The following TRPV3 variants were observed in gnomAD, a reference collection of about 807,000 sequenced individuals.
TRPV3 encodes transient receptor potential cation channel subfamily V member 3.
In TRPV3, 88 loss-of-function variants were observed where a neutral mutation model predicts 87.1. That is an observed-to-expected ratio of 1.01 (90% CI 0.85 to 1.21). The LOEUF (loss-of-function observed/expected upper bound fraction) is 1.21, where lower values mean the gene tolerates loss of function less well. Among genes scored for constraint, TRPV3 ranks in the 50% most tolerant of loss-of-function variants. The pLI is 0.00. For synonymous variants in TRPV3, 438 were observed against 423.3 expected (o/e 1.03, Z -0.43); for missense variants, 1,054 against 1,030.1 (o/e 1.02, Z -0.32).
At chr17:3,521,077 A>T (rs2074240973) in intron 13 of TRPV3, 38 bp from the exon 14 acceptor site, 1 of 1,427,998 alleles carries the variant, frequency 7.0e-7, no homozygotes, top group Non-Finnish European at 9.8e-7. Flanking sequence ...GTAAGGTGCA[A>T]GCACATATTC....
chr17:3,542,656 G>C lies in TRPV3; in HGVS notation c.509C>G (p.Thr170Ser), dbSNP rs202045599. The change falls in exon 6 of 18, where the codon ACC becomes AGC. Residue 170 changes from threonine to serine, a missense_variant. Physicochemically the swap from Thr to Ser is moderately conservative, Grantham distance 58. Coordinates refer to ENST00000576742, the MANE Select transcript of TRPV3 (RefSeq NM_145068.4). ...HKLTASDTGK[T>S]CLMKALLNIN... ...GTTTAACAAGGCCTTCATCAGGCAG[G>C]TCTTCCCCGTGTCGGAGGCCGTCAG... 4 of 1,614,000 alleles carry C rather than the reference G, an allele frequency of 2.5e-6. No homozygotes were observed. The highest frequency in any genetic ancestry group is 3.4e-6 in the Non-Finnish European group (4 of 1,180,014).
rs1285304060 is a variant in TRPV3, at chr17:3,543,508, C to T, written c.432G>A (p.Glu144=). The T allele has an allele frequency of 1.2e-6, 2 of 1,613,766 alleles. No individual in the cohort carries two copies. The highest frequency in any genetic ancestry group is 1.7e-6 in the Non-Finnish European group (2 of 1,180,040). The change falls in exon 5 of 18, where the codon GAG becomes GAA. Residue 144 remains glutamate, a synonymous_variant. Transcript: ENST00000576742. The part of the protein sequence containing the change: ...ELVELLVELQ[E]LCRRRHDEDV... Reference sequence around the variant, plus strand: ...CCTCATCATGGCGCCGCCTGCAAAGCTCCTGCAGCTCCACCAGCAACTCTA... The same window carrying T: ...CCTCATCATGGCGCCGCCTGCAAAGTTCCTGCAGCTCCACCAGCAACTCTA...
At chr17:3,554,627 A>T in intron 2 of TRPV3, 105 bp downstream of exon 2, 1 of 787,204 alleles carries the variant, frequency 1.3e-6, no homozygotes, top group Non-Finnish European at 2.1e-6. Flanking sequence ...GGCGAGACTG[A>T]GAGTCTCAGG....
chr17:3,539,647 T>C (rs571414330), intron 6 of TRPV3: 3 of 149,476 alleles, frequency 2.0e-5, no homozygotes, highest in African/African-American at 7.4e-5. Flanking sequence ...AGTGAGAACC[T>C]GTCTCAAAAA....
intron 6 of TRPV3, among the ~76,000 whole-genome samples, chr17:3,541,229 A>G (rs2654682): frequency 0.45 from 68,796 of 151,734 alleles, 17,593 homozygotes; most frequent in East Asian, 0.6. Flanking sequence ...TTAGCCAGGC[A>G]TGGTGGCAGG....
chr17:3,515,946 G>A (rs1045212236), intron 16 of TRPV3, among the ~76,000 whole-genome samples: 9 of 152,146 alleles, frequency 5.9e-5, no homozygotes, highest in African/African-American at 2.2e-4. Context: ...CAGCACTTTG[G>A]GAGGCCAAGG....
At chr17:3,524,112 C>A in intron 13 of TRPV3, 86 bp downstream of exon 13, 1 of 1,538,882 alleles carries the variant, frequency 6.5e-7, no homozygotes. Flanking sequence ...CTTGGTAAAC[C>A]CCTCTTCCTC....
intron 2 of TRPV3, chr17:3,554,515 T>C: frequency 2.1e-6 from 1 of 476,890 alleles, no homozygotes; most frequent in Non-Finnish European, 3.7e-6. Flanking sequence ...CTTCCCTAAT[T>C]GTGCCAGTCA....
chr17:3,535,741 G>A (rs1346543169), intron 6 of TRPV3, 28 bp from the exon 7 acceptor site: 16 of 1,444,646 alleles, frequency 1.1e-5, no homozygotes, highest in Non-Finnish European at 1.5e-5. Context: ...ACGCGCGGGA[G>A]CCTCAGCGCC....
intron 14 of TRPV3, among the ~76,000 whole-genome samples, chr17:3,519,702 A>C (rs1206515158): frequency 9.0e-6 from 1 of 111,392 alleles, no homozygotes; most frequent in Non-Finnish European, 1.9e-5. Flanking sequence ...GGATGGATGG[A>C]TAGATGGATG....
chr17:3,554,880 C>T, intron 1 of TRPV3, 28 bp from the exon 2 acceptor site: 4 of 1,532,808 alleles, frequency 2.6e-6, no homozygotes, highest in Non-Finnish European at 3.6e-6. Context: ...GGCAGATGCT[C>T]AGGCCGGGGG....
In TRPV3 at chr17:3,524,310, T is replaced by C. The variant is rs761452550; in HGVS notation, c.1631A>G (p.Tyr544Cys). The part of the protein sequence containing the change: ...ILSVFLYLFA[Y>C]KEYLACLVLA... ...CACGAGGCAGGCGAGGTACTCTTTG[T>C]AGGCAAACAAGTACAAGAAGACAGA... Residue 544 changes from tyrosine to cysteine, a missense_variant, in exon 13 of 18, where the codon TAC (tyrosine) becomes TGC (cysteine). By Grantham distance (194) the Tyr-to-Cys change is radical. Coordinates refer to ENST00000576742, the MANE Select transcript of TRPV3 (RefSeq NM_145068.4). The C allele has an allele frequency of 3.1e-6, 5 of 1,614,098 alleles. No individual in the cohort carries two copies. In the African/African-American group the frequency reaches 4.0e-5, roughly 13 times the overall value.
intron 1 of TRPV3, 119 bp from the exon 2 acceptor site, chr17:3,554,971 C>T (rs2074613740): frequency 1.6e-6 from 1 of 619,402 alleles, no homozygotes; most frequent in Non-Finnish European, 2.8e-6. Flanking sequence ...ACTGGAAGCT[C>T]ACTCCTCCCT....
chr17:3,547,631 G>A (rs1306364803), intron 2 of TRPV3, among the ~76,000 whole-genome samples: 1 of 152,040 alleles, frequency 6.6e-6, no homozygotes, highest in Non-Finnish European at 1.5e-5. Flanking sequence ...AAAAAAAATG[G>A]CTGATCTAGA....
Position 3,528,732 on chromosome 17 carries a change from T to C in TRPV3, c.1401+105A>G, listed in dbSNP as rs1485864905. The C allele has an allele frequency of 7.3e-7, 1 of 1,374,424 alleles. No individual in the cohort carries two copies. The highest frequency in any genetic ancestry group is 1.4e-5 in the African/African-American group (1 of 69,048). 85.1% of individuals were successfully genotyped at this position (1,374,424 alleles called of 1,614,324 possible). On this transcript the variant is annotated intron_variant, in intron 10 of 17. Transcript: ENST00000576742. This position sits in a 1 kb window ranked among gnomAD's most constrained non-coding sequence, Gnocchi z 4.2. ...AGGACAACTGGGGGACCCCGCCCAA[T>C]CTCCTGGTCTCTCTGGGCCTCAGTT...
In TRPV3 at chr17:3,529,005, G is replaced by C. The variant is rs1263725194; in HGVS notation, c.1243-10C>G. On this transcript the variant is annotated splice_polypyrimidine_tract_variant and intron_variant, in intron 9 of 17. Coordinates refer to ENST00000576742, the MANE Select transcript of TRPV3 (RefSeq NM_145068.4). ...GCATCTCATGCCGGTTCTAGGGGTAGAATGCCACCAGTCACCATGGAGATG... is the reference window on the plus strand; with the variant it reads ...GCATCTCATGCCGGTTCTAGGGGTACAATGCCACCAGTCACCATGGAGATG... The C allele has an allele frequency of 3.7e-6, 6 of 1,614,000 alleles. No homozygotes were observed. Among genetic ancestry groups the C allele is most frequent in the Non-Finnish European group, 5.1e-6 (6 of 1,180,002 alleles).
At position 3,528,007 on chromosome 17, in the gene TRPV3, G is replaced by A; in HGVS notation, c.1503+18C>T. The A allele has an allele frequency of 6.2e-7, 1 of 1,603,104 alleles. No homozygotes were observed. On this transcript the variant is annotated intron_variant, in intron 11 of 17. Transcript: ENST00000576742. The surrounding 1 kb of genome is among the most constrained non-coding windows in gnomAD (Gnocchi z 4.2). ...CTGCCTCGCGGGGCGGTCTGGAAGG[G>A]CCGGGTGGCCCACTTACCTCTTTCA...
Position 3,516,458 on chromosome 17 carries a change from G to T in TRPV3, c.2197C>A (p.Arg733=), listed in dbSNP as rs776459642. 1.9e-6 allele frequency: 3 copies of T among 1,613,154 alleles called. No homozygotes were observed. The highest frequency in any genetic ancestry group is 2.5e-6 in the Non-Finnish European group (3 of 1,179,422). ...VAEDDFRLCL[R]INEVKWTEWK... ...CCAGGGCCCTTCTCCCTTTGTTACC[G>T]CAAACACAGTCGGAAATCATCCTCG... is the stretch of plus-strand genomic sequence containing the variant. The change falls in exon 16 of 18, where the codon CGG becomes AGG. Residue 733 remains arginine (R), a splice_region_variant and synonymous_variant. Transcript: ENST00000576742.
chr17:3,517,274 T>C (rs970419013), intron 15 of TRPV3, among the ~76,000 whole-genome samples: 3 of 152,024 alleles, frequency 2.0e-5, no homozygotes, highest in Non-Finnish European at 4.4e-5. Context: ...CTCTGCAGTT[T>C]CCTGGCCATA....
Sources: allele counts gnomAD v4.1 joint callset (sites outside exome capture counted in the v4.1 genomes callset), GRCh38; gene constraint gnomAD v4.1.1; non-coding constraint Gnocchi (gnomAD v3.1); transcripts MANE v1.5; gene names NCBI Gene and HGNC (gene_info 2026-07-23, HGNC 2026-07-21).